Variants in CEP170 observed in about 807,000 individuals in gnomAD.
CEP170 encodes centrosomal protein of 170 kDa.
In CEP170, 21 loss-of-function variants were observed where a neutral mutation model predicts 151.9. The observed-to-expected ratio is 0.14, with a 90% confidence interval of 0.10 to 0.20. The LOEUF is 0.20. Ranked by LOEUF, CEP170 falls within the 10% of genes least tolerant of loss-of-function variation. CEP170 has a pLI of 1.00. For synonymous variants in CEP170, 356 were observed against 648.8 expected (o/e 0.55, Z 6.86); for missense variants, 964 against 1,892.9 (o/e 0.51, Z 9.11).
chr1:243,204,440 T>C (rs570947472), intron 4 of CEP170, among the ~76,000 whole-genome samples: 5 of 152,280 alleles, frequency 3.3e-5, no homozygotes, highest in African/African-American at 1.2e-4. Flanking sequence ...TACAACTTCT[T>C]TGGGAAAATA....
At chr1:243,151,673 C>T (rs1405244016) in intron 14 of CEP170, among the ~76,000 whole-genome samples, 1 of 152,290 alleles carries the variant, frequency 6.6e-6, no homozygotes. Context: ...CACAGAGAAG[C>T]AGCAAGTGCT....
At chr1:243,204,528 G>A (rs188852583) in intron 4 of CEP170, among the ~76,000 whole-genome samples, 12 of 152,238 alleles carry the variant, frequency 7.9e-5, no homozygotes, top group Admixed American at 7.9e-4. Context: ...ATTGGCGGGT[G>A]GATCTTGTGA....
chr1:243,220,482 A>C (rs2062699315), intron 3 of CEP170, among the ~76,000 whole-genome samples: 1 of 152,236 alleles, frequency 6.6e-6, no homozygotes, highest in African/African-American at 2.4e-5. Flanking sequence ...AAACATGCCT[A>C]CAAAAAATTT....
At chr1:243,163,100 G>A (rs2058193200) in intron 13 of CEP170, 1 of 152,170 alleles carries the variant, frequency 6.6e-6, no homozygotes, top group African/African-American at 2.4e-5. Flanking sequence ...GAATGGAGTG[G>A]AGGAAAGCAG....
intron 14 of CEP170, among the ~76,000 whole-genome samples, chr1:243,143,223 G>A (rs1220937726): frequency 6.6e-6 from 1 of 152,026 alleles, no homozygotes; most frequent in East Asian, 1.9e-4. Context: ...CTCTTTCGTA[G>A]AGCACTTTAC....
chr1:243,222,798 A>G lies in CEP170; in HGVS notation c.106-985T>C, dbSNP rs2062932522. ...GAGACCTGAGGTCACAAGGCAAATTACCACCCTGAAAAGTAGAGAGACAAG... is the reference window on the plus strand; with the variant it reads ...GAGACCTGAGGTCACAAGGCAAATTGCCACCCTGAAAAGTAGAGAGACAAG... On this transcript the variant is annotated intron_variant, in intron 2 of 19. Transcript: ENST00000366542. Among the ~76,000 whole-genome samples the G allele has an allele frequency of 2.0e-5, 3 of 152,194 alleles. No individual in the cohort carries two copies. In the South Asian group the frequency reaches 6.2e-4, roughly 32 times the overall value.
At chr1:243,152,300 C>T (rs1351740044) in intron 14 of CEP170, among the ~76,000 whole-genome samples, 43 of 150,866 alleles carry the variant, frequency 2.9e-4, no homozygotes. Context: ...CGGGTCACTG[C>T]AAGCTCCGCC....
chr1:243,212,247 C>CTA (rs1309282845), intron 3 of CEP170, among the ~76,000 whole-genome samples: 1 of 152,178 alleles, frequency 6.6e-6, no homozygotes. Flanking sequence ...AGCTCCTAAT[C>CTA]TAAAGCTGGC....
At chr1:243,248,518 A>G (rs1352625337) in intron 1 of CEP170, among the ~76,000 whole-genome samples, 1 of 152,188 alleles carries the variant, frequency 6.6e-6, no homozygotes, top group Non-Finnish European at 1.5e-5. Flanking sequence ...CTTGACTTAC[A>G]TATCTAACTG....
Position 243,211,939 on chromosome 1 carries a change from G to T in CEP170, c.221C>A (p.Pro74Gln). 3 of 1,556,228 alleles carry T rather than the reference G, an allele frequency of 1.9e-6. No homozygotes were observed. The highest frequency in any genetic ancestry group is 1.7e-6 in the Non-Finnish European group (2 of 1,155,604). ...NGTFVNDVRI[P>Q]EQTYITLKLE... is the part of the protein sequence containing the mutation. ...TTTCAAGGTGATATAAGTCTGTTCC[G>T]GAATCCTTACATCATTCACAAAAGT... is the stretch of plus-strand genomic sequence containing the variant. Residue 74 changes from proline (P) to glutamine (Q), a missense_variant, in exon 4 of 20, where the codon CCG becomes CAG. Pro to Gln is a moderately conservative substitution (Grantham distance 76, BLOSUM62 -1). Transcript: ENST00000366542.
intron 14 of CEP170, among the ~76,000 whole-genome samples, chr1:243,152,382 C>T (rs984367931): frequency 1.3e-5 from 2 of 151,696 alleles, no homozygotes; most frequent in African/African-American, 4.8e-5. Flanking sequence ...CCACCACGCC[C>T]GGCTAATTTT....
At chr1:243,195,814 CTCA>C (rs1042082687) in intron 7 of CEP170, among the ~76,000 whole-genome samples, 13 of 151,958 alleles carry the variant, frequency 8.6e-5, no homozygotes, top group African/African-American at 3.1e-4. Flanking sequence ...AACTATTTTC[CTCA>C]TCCTATATTT....
rs869094317 is a variant in CEP170, at chr1:243,178,308, C to CAAAAAAAAAAAAAA, written c.1567-5476_1567-5463dup. Among the ~76,000 whole-genome samples, 8 of 30,428 alleles carry CAAAAAAAAAAAAAA rather than the reference C, an allele frequency of 2.6e-4. 1 individual carries two copies. Among genetic ancestry groups the CAAAAAAAAAAAAAA allele is most frequent in the African/African-American group, 1.3e-3 (8 of 6,120 alleles). 20.0% of individuals were successfully genotyped at this position (30,428 alleles called of 152,430 possible). ...TGGGCAACAGAGCGAGACTCTGCCT[C>CAAAAAAAAAAAAAA]AAAAAAAAAAAAAAAAAAAAAAAAA... On this transcript the variant is annotated intron_variant, in intron 10 of 19. Transcript: ENST00000366542.
chr1:243,180,658 C>G (rs2059563986), intron 10 of CEP170, among the ~76,000 whole-genome samples: 1 of 152,170 alleles, frequency 6.6e-6, no homozygotes, highest in African/African-American at 2.4e-5. Flanking sequence ...CATCGTTTCC[C>G]TGGCTCTTAC....
chr1:243,207,281 T>C (rs1482516628), intron 4 of CEP170, among the ~76,000 whole-genome samples: 1 of 152,136 alleles, frequency 6.6e-6, no homozygotes, highest in Admixed American at 6.5e-5. Flanking sequence ...GCAAAGAATC[T>C]TATTATGGAT....
chr1:243,231,968 T>C (rs1198155137), intron 1 of CEP170, among the ~76,000 whole-genome samples: 1 of 151,796 alleles, frequency 6.6e-6, no homozygotes, highest in African/African-American at 2.4e-5. Context: ...CTTCTTCTTT[T>C]TTTTTCTTTT....
chr1:243,221,606 TG>T lies in CEP170; in HGVS notation c.195+117del. On this transcript the variant is annotated intron_variant, in intron 3 of 19. Coordinates refer to ENST00000366542, the MANE Select transcript of CEP170 (RefSeq NM_014812.3). ...AAGTGCTATGTACCTGATAAGCATTTGAAAATAACATACAAAGTAAAGAAAA... is the reference window on the plus strand; with the variant it reads ...AAGTGCTATGTACCTGATAAGCATTTAAAATAACATACAAAGTAAAGAAAA... 3 of 1,042,458 alleles carry T rather than the reference TG, an allele frequency of 2.9e-6. No individual in the cohort carries two copies. In the African/African-American group the frequency reaches 4.9e-5, roughly 17 times the overall value. 64.6% of individuals were successfully genotyped at this position (1,042,458 alleles called of 1,614,324 possible).
chr1:243,221,153 T>C (rs2062775196), intron 3 of CEP170, among the ~76,000 whole-genome samples: 1 of 152,054 alleles, frequency 6.6e-6, no homozygotes, highest in Non-Finnish European at 1.5e-5. Context: ...GACTACCGAG[T>C]AGCTGGGACT....
At chr1:243,208,943 TATC>T (rs2061595085) in intron 4 of CEP170, among the ~76,000 whole-genome samples, 1 of 151,822 alleles carries the variant, frequency 6.6e-6, no homozygotes, top group African/African-American at 2.4e-5. Context: ...AACTTTTCCT[TATC>T]AGCCTCATTT....
Sources: gnomAD v4.1 joint callset for allele counts (sites outside exome capture counted in the v4.1 genomes callset) on GRCh38, gnomAD v4.1.1 for gene constraint, MANE v1.5 for transcripts, NCBI Gene and HGNC (gene_info 2026-07-23, HGNC 2026-07-21) for gene names.